LYST: variants seen among roughly 807,000 people sequenced by gnomAD.
LYST encodes lysosomal-trafficking regulator.
Under a neutral mutation model 413.6 loss-of-function variants are expected in LYST, and 192 were observed. The ratio of observed to expected loss-of-function variants is 0.46; its 90% CI spans 0.41 to 0.52. The LOEUF is 0.52. LYST is among the 20% of genes least tolerant of loss of function. LYST has a pLI of 0.00. For missense variants in LYST, 3,815 were observed against 4,499.9 expected (o/e 0.85, Z 4.35); for synonymous variants, 1,525 against 1,567.3 (o/e 0.97, Z 0.64).
At chr1:235,793,914 C>A (rs891848641) in intron 10 of LYST, among the ~76,000 whole-genome samples, 1 of 152,058 alleles carries the variant, frequency 6.6e-6, no homozygotes, top group East Asian at 1.9e-4. Flanking sequence ...CTCACTGCAA[C>A]CTCCACCTCC....
At chr1:235,701,611 G>C (rs1488035370) in intron 45 of LYST, among the ~76,000 whole-genome samples, 2 of 152,146 alleles carry the variant, frequency 1.3e-5, no homozygotes, top group Non-Finnish European at 2.9e-5. Context: ...CTGGGCGACA[G>C]AGCGAGACTC....
intron 45 of LYST, among the ~76,000 whole-genome samples, chr1:235,699,788 G>A (rs1433845554): frequency 1.3e-5 from 2 of 152,120 alleles, no homozygotes; most frequent in South Asian, 4.1e-4. Context: ...GTGTGAGATG[G>A]TATCTCCTTG....
chr1:235,715,251 T>C lies in LYST; in HGVS notation c.9734A>G (p.His3245Arg). The change falls in exon 42 of 53, where the codon CAC (histidine) becomes CGC (arginine). Residue 3245 changes from histidine to arginine, a missense_variant. Transcript: ENST00000389793. ...SHYSNSGTVL[H>R]FLVRMPPFTK... ...GAAAGGAGGCATCCTGACCAGGAAG[T>C]GAAGCACAGTGCCGCTATTGGAATA... 1 of 1,614,064 alleles carries C rather than the reference T, an allele frequency of 6.2e-7. No homozygotes were observed. Among genetic ancestry groups the C allele is most frequent in the Non-Finnish European group, 8.5e-7 (1 of 1,179,960 alleles).
intron 28 of LYST, among the ~76,000 whole-genome samples, chr1:235,750,775 G>A (rs1666413561): frequency 1.3e-5 from 2 of 152,104 alleles, no homozygotes; most frequent in South Asian, 4.2e-4. Context: ...CTTTTGTCCT[G>A]AGTAGAAACA....
chr1:235,848,832 A>G (rs759030993), intron 1 of LYST, among the ~76,000 whole-genome samples: 6 of 152,108 alleles, frequency 3.9e-5, no homozygotes, highest in Non-Finnish European at 7.4e-5. Context: ...ATCAGGAAGA[A>G]TGAGATACCC....
At position 235,841,534 on chromosome 1, in the gene LYST, T is replaced by C. The variant is rs986535848; in HGVS notation, c.-97-7867A>G. Among the ~76,000 whole-genome samples the C allele has an allele frequency of 2.2e-4, 33 of 152,120 alleles. 2 individuals are homozygous for C. Among genetic ancestry groups the C allele is most frequent in the African/African-American group, 4.8e-5 (2 of 41,426 alleles). Reference sequence around the variant, plus strand: ...GGGCAAATGCTACACATTAGGGTCTTTTTTGTTTCTTTCTCCAGGAGAGCC... The same window carrying C: ...GGGCAAATGCTACACATTAGGGTCTCTTTTGTTTCTTTCTCCAGGAGAGCC... On this transcript the variant is annotated intron_variant, in intron 1 of 52. Transcript: ENST00000389793.
chr1:235,699,599 T>C (rs1661390111), intron 45 of LYST, among the ~76,000 whole-genome samples: 1 of 152,204 alleles, frequency 6.6e-6, no homozygotes, highest in Non-Finnish European at 1.5e-5. Context: ...TACCCAGTAA[T>C]GGGATTGCTG....
chr1:235,781,190 G>T, intron 15 of LYST, 135 bp from the exon 16 acceptor site: 1 of 642,306 alleles, frequency 1.6e-6, no homozygotes, highest in East Asian at 2.8e-5. Flanking sequence ...AATTGATAAA[G>T]CCTCAATTTC....
At chr1:235,684,019 A>G (rs560482510) in intron 48 of LYST, among the ~76,000 whole-genome samples, 1 of 152,252 alleles carries the variant, frequency 6.6e-6, no homozygotes. Flanking sequence ...ACTTAGGTGG[A>G]AAAAAAATCC....
intron 1 of LYST, among the ~76,000 whole-genome samples, chr1:235,865,507 C>T (rs1680410881): frequency 6.6e-6 from 1 of 152,118 alleles, no homozygotes; most frequent in Non-Finnish European, 1.5e-5. Flanking sequence ...TTACTAAATA[C>T]ATATATATAA....
At chr1:235,860,120 T>A (rs1430626861) in intron 1 of LYST, among the ~76,000 whole-genome samples, 1 of 152,214 alleles carries the variant, frequency 6.6e-6, no homozygotes, top group Non-Finnish European at 1.5e-5. Flanking sequence ...CCCCCATTTT[T>A]AAATGTAAAA....
At position 235,880,917 on chromosome 1, in the gene LYST, G is replaced by A. The variant is rs182331021; in HGVS notation, n.454+2270C>T. ...GAGGTGGGTGGATCGCCAGAGGTCC[G>A]GAGTTCAAGACCAGCCTAACCAACA... On this transcript the variant is annotated intron_variant and non_coding_transcript_variant, in intron 1 of 11. Coordinates refer to the LYST transcript ENST00000465349. Among the ~76,000 whole-genome samples the A allele has an allele frequency of 7.9e-5, 12 of 152,202 alleles. No homozygotes were observed. In the East Asian group the frequency reaches 9.6e-4, roughly 12 times the overall value.
At position 235,755,493 on chromosome 1, in the gene LYST, A is replaced by G. The variant is rs1377402551; in HGVS notation, c.7214T>C (p.Ile2405Thr). The change falls in exon 25 of 53, where the codon ATT (isoleucine) becomes ACT (threonine). Residue 2405 changes from isoleucine to threonine, a missense_variant. Coordinates refer to ENST00000389793, the MANE Select transcript of LYST (RefSeq NM_000081.4). Reference sequence around the variant, plus strand: ...ACACACTTACTCTTCATCAAGGCCAATATGTCGACCAAAGAACATTTCGAT... The same window carrying G: ...ACACACTTACTCTTCATCAAGGCCAGTATGTCGACCAAAGAACATTTCGAT... ...CFIEMFFGRHIGLDEEFDLED... is the reference protein window; with the variant it reads ...CFIEMFFGRHTGLDEEFDLED... 1.2e-6 allele frequency: 2 copies of G among 1,613,578 alleles called. No homozygotes were observed. Among genetic ancestry groups the G allele is most frequent in the Non-Finnish European group, 1.7e-6 (2 of 1,179,548 alleles).
chr1:235,861,223 A>C (rs1465571499), intron 1 of LYST, among the ~76,000 whole-genome samples: 2 of 152,222 alleles, frequency 1.3e-5, no homozygotes, highest in East Asian at 3.8e-4. Context: ...AATTTCAAAG[A>C]ATCATATTTG....
chr1:235,850,244 T>A (rs189268458), intron 1 of LYST, among the ~76,000 whole-genome samples: 1 of 152,296 alleles, frequency 6.6e-6, no homozygotes, highest in East Asian at 1.9e-4. Flanking sequence ...CAACTGATCT[T>A]TGACAAAGCA....
rs999219287 is a variant in LYST, at chr1:235,760,775, A to G, written c.6254-1176T>C. The stretch of plus-strand genomic sequence containing the variant: ...GCTTTAGAGCATAGACTCTGTGGCA[A>G]TAAAATAGCTCCATAGCTCAGAATC... On this transcript the variant is annotated intron_variant, in intron 22 of 52. Coordinates refer to ENST00000389793, the MANE Select transcript of LYST (RefSeq NM_000081.4). Among the ~76,000 whole-genome samples the G allele has an allele frequency of 3.3e-5, 5 of 152,248 alleles. No homozygotes were observed. The East Asian group carries it at 9.6e-4, about 29-fold the overall frequency.
chr1:235,688,066 C>T (rs1174957330), intron 47 of LYST, among the ~76,000 whole-genome samples: 1 of 152,052 alleles, frequency 6.6e-6, no homozygotes, highest in Non-Finnish European at 1.5e-5. Context: ...TTGAGTAGTT[C>T]TATTTGTTAG....
chr1:235,827,194 T>C (rs1572385942), intron 3 of LYST, among the ~76,000 whole-genome samples: 2 of 152,110 alleles, frequency 1.3e-5, no homozygotes, highest in South Asian at 4.2e-4. Flanking sequence ...CAAAACCCTG[T>C]TTCTACTAAA....
chr1:235,817,237 GGTT>G (rs1312522083), intron 3 of LYST, among the ~76,000 whole-genome samples: 1 of 152,034 alleles, frequency 6.6e-6, no homozygotes, highest in East Asian at 1.9e-4. Context: ...ATGCTGGTGA[GGTT>G]GTGGAGAAAA....
Sources: allele counts gnomAD v4.1 joint callset (sites outside exome capture counted in the v4.1 genomes callset), GRCh38; gene constraint gnomAD v4.1.1; transcripts MANE v1.5; gene names NCBI Gene and HGNC (gene_info 2026-07-23, HGNC 2026-07-21).